The following RABGEF1 variants were observed in gnomAD, a reference collection of about 807,000 sequenced individuals.
RABGEF1 encodes the protein RAB guanine nucleotide exchange factor 1.
Under a neutral mutation model 57.3 loss-of-function variants are expected in RABGEF1, and 26 were observed. The ratio of observed to expected loss-of-function variants is 0.45; its 90% confidence interval spans 0.33 to 0.63. The LOEUF (loss-of-function observed/expected upper bound fraction) is 0.63. Ranked by LOEUF, RABGEF1 falls within the 20% of genes least tolerant of loss-of-function variation. RABGEF1 has a pLI of 0.02. For missense variants in RABGEF1, 464 were observed against 607.6 expected, an observed-to-expected ratio of 0.76 and a Z score of 2.48; for synonymous variants, 185 against 210.7, an observed-to-expected ratio of 0.88 and a Z score of 1.06.
chr7:66,709,935 A>G (rs1433987201), intron 1 of RABGEF1, among the ~76,000 whole-genome samples: 1 of 152,246 alleles, frequency 6.6e-6, no homozygotes, highest in East Asian at 1.9e-4. Flanking sequence ...TAATTAACAC[A>G]GTCATGAAAT....
At chr7:66,761,985 C>T (rs554936364) in intron 1 of RABGEF1, among the ~76,000 whole-genome samples, 2 of 151,842 alleles carry the variant, frequency 1.3e-5, no homozygotes, top group South Asian at 2.1e-4. Flanking sequence ...CGGGAGGTAG[C>T]GAAGGTTGCA....
At chr7:66,730,995 A>G (rs559051447) in intron 2 of RABGEF1, among the ~76,000 whole-genome samples, 17 of 152,246 alleles carry the variant, frequency 1.1e-4, no homozygotes, top group African/African-American at 4.1e-4. Context: ...CTGAAATGAC[A>G]GCGCAGGGAT....
intron 1 of RABGEF1, among the ~76,000 whole-genome samples, chr7:66,693,752 TC>T (rs1791895710): frequency 6.6e-6 from 1 of 152,204 alleles, no homozygotes; most frequent in Middle Eastern, 3.4e-3. Flanking sequence ...CCTCAGGGAA[TC>T]ATTCATTCAT....
intron 2 of RABGEF1, among the ~76,000 whole-genome samples, chr7:66,712,433 C>T (rs568716461): frequency 1.3e-5 from 2 of 152,310 alleles, no homozygotes; most frequent in East Asian, 3.9e-4. Flanking sequence ...CCTTTACAAA[C>T]TTATTTATAG....
chr7:66,705,932 G>C (rs1584806875), intron 1 of RABGEF1, among the ~76,000 whole-genome samples: 1 of 115,632 alleles, frequency 8.6e-6, no homozygotes, highest in Non-Finnish European at 1.6e-5. Flanking sequence ...GTCTCGCTTT[G>C]TCGCCCAGGC....
chr7:66,699,062 G>A lies in RABGEF1; in HGVS notation c.-872-13105G>A, dbSNP rs569159442. Reference sequence around the variant, plus strand: ...CTGAGACAGAGCCGCATGGAGGAGCGGGGAGATATCTGGCTGGCCTTGGGA... The same window carrying A: ...CTGAGACAGAGCCGCATGGAGGAGCAGGGAGATATCTGGCTGGCCTTGGGA... On this transcript the variant is annotated intron_variant and NMD_transcript_variant, in intron 1 of 9. Transcript: ENST00000607882. Among the ~76,000 whole-genome samples the A allele has an allele frequency of 5.3e-5, 8 of 152,290 alleles. No individual in the cohort carries two copies. The East Asian group carries it at 9.7e-4, about 18-fold the overall frequency.
intron 8 of RABGEF1, among the ~76,000 whole-genome samples, chr7:66,806,978 C>G (rs139114861): frequency 6.6e-6 from 1 of 152,248 alleles, no homozygotes; most frequent in African/African-American, 2.4e-5. Context: ...CATACACTTG[C>G]CTACGAGGGA....
intron 1 of RABGEF1, among the ~76,000 whole-genome samples, chr7:66,753,521 G>T (rs1801923971): frequency 6.6e-6 from 1 of 152,064 alleles, no homozygotes; most frequent in South Asian, 2.1e-4. Context: ...ACAAATTTTT[G>T]TGTTACCCAG....
intron 2 of RABGEF1, among the ~76,000 whole-genome samples, chr7:66,713,363 C>T (rs916190568): frequency 5.3e-5 from 8 of 151,468 alleles, no homozygotes; most frequent in African/African-American, 1.9e-4. Context: ...CTCCTGACCT[C>T]GTGATCGGCC....
At chr7:66,670,894 T>TACAC in the RABGEF1 span, among the ~76,000 whole-genome samples, 945 of 145,644 alleles carry the variant, frequency 6.5e-3, 5 homozygotes, top group African/African-American at 0.012. Context: ...CACATACGTA[T>TACAC]ACACACACAC....
At chr7:66,655,933 G>A in the RABGEF1 span, among the ~76,000 whole-genome samples, 94,243 of 152,030 alleles carry the variant, frequency 0.62, 29,701 homozygotes, top group African/African-American at 0.74. Flanking sequence ...GTGGTAAGGA[G>A]TGTGAGCTAA....
chr7:66,783,523 A>G, intron 3 of RABGEF1, 152 bp from the exon 4 acceptor site: 5 of 712,500 alleles, frequency 7.0e-6, no homozygotes, highest in Non-Finnish European at 1.1e-5. Context: ...ACTTTAAGGA[A>G]AGTTGTCCAA....
At chr7:66,676,836 C>T in the RABGEF1 span, among the ~76,000 whole-genome samples, 16 of 152,200 alleles carry the variant, frequency 1.1e-4, no homozygotes, top group Non-Finnish European at 1.3e-4. Flanking sequence ...CTCCCACCTC[C>T]GCCTGTCAAA....
rs778162251 is a variant in RABGEF1, at chr7:66,775,397, A to G, written c.346+4A>G. On this transcript the variant is annotated splice_donor_region_variant and intron_variant, in intron 3 of 8. Coordinates refer to ENST00000284957, the MANE Select transcript of RABGEF1 (RefSeq NM_014504.3). Reference sequence around the variant, plus strand: ...TCCAGGGTCGGATCAAAGAAGGGTAATGTTCTGATACTCTTTTTTTTCTTC... The same window carrying G: ...TCCAGGGTCGGATCAAAGAAGGGTAGTGTTCTGATACTCTTTTTTTTCTTC... The G allele has an allele frequency of 2.5e-6, 4 of 1,613,448 alleles. No individual in the cohort carries two copies. In the Admixed American group the frequency reaches 6.7e-5, roughly 27 times the overall value.
chr7:66,729,076 G>A (rs1412113181), intron 2 of RABGEF1, among the ~76,000 whole-genome samples: 3 of 150,962 alleles, frequency 2.0e-5, no homozygotes, highest in East Asian at 2.0e-4. Flanking sequence ...TCAGCCTCCC[G>A]AGTAGCTGGG....
At chr7:66,743,061 G>A (rs1468847143) in intron 1 of RABGEF1, among the ~76,000 whole-genome samples, 1 of 152,094 alleles carries the variant, frequency 6.6e-6, no homozygotes, top group Non-Finnish European at 1.5e-5. Context: ...TGTAATCCCA[G>A]CACTTTGGGA....
intron 2 of RABGEF1, among the ~76,000 whole-genome samples, chr7:66,725,633 G>T (rs1378753403): frequency 6.6e-6 from 1 of 152,186 alleles, no homozygotes; most frequent in Non-Finnish European, 1.5e-5. Context: ...ATTTTATGAG[G>T]CAGATATGAC....
intron 1 of RABGEF1, among the ~76,000 whole-genome samples, chr7:66,763,718 G>C (rs1805009298): frequency 6.6e-6 from 1 of 152,212 alleles, no homozygotes; most frequent in Non-Finnish European, 1.5e-5. Flanking sequence ...TGGATGTTCA[G>C]ATGAATGGAA....
At chr7:66,727,669 A>C (rs527726022) in intron 2 of RABGEF1, among the ~76,000 whole-genome samples, 1 of 152,348 alleles carries the variant, frequency 6.6e-6, no homozygotes, top group Admixed American at 6.5e-5. Flanking sequence ...CCATGCTCCC[A>C]GCCAGGCTTC....
Sources: gnomAD v4.1 joint callset for allele counts (sites outside exome capture counted in the v4.1 genomes callset) on GRCh38, gnomAD v4.1.1 for gene constraint, MANE v1.5 for transcripts, NCBI Gene and HGNC (gene_info 2026-07-23, HGNC 2026-07-21) for gene names.